The following IL1RAPL1 variants were observed in gnomAD, a reference collection of about 807,000 sequenced individuals.
The protein encoded by IL1RAPL1 is interleukin-1 receptor accessory protein-like 1.
IL1RAPL1 carries 3 observed loss-of-function variants against 48.4 expected under a neutral mutation model. The ratio of observed to expected loss-of-function variants is 0.06; its 90% CI spans 0.03 to 0.16. The LOEUF (loss-of-function observed/expected upper bound fraction) is 0.16, where lower values mean the gene tolerates loss of function less well. Among genes scored for constraint, IL1RAPL1 ranks in the 10% least tolerant of loss-of-function variants. The pLI is 1.00. For synonymous variants in IL1RAPL1, 185 were observed against 187.7 expected, an observed-to-expected ratio of 0.99 and a Z score of 0.12; for missense variants, 349 against 530.6, an observed-to-expected ratio of 0.66 and a Z score of 3.36.
intron 1 of IL1RAPL1, among the ~76,000 whole-genome samples, chrX:28,688,147 T>C (rs1474134631): frequency 1.9e-5 from 2 of 107,842 alleles, no homozygotes; most frequent in Non-Finnish European, 3.8e-5. Flanking sequence ...AACCACTCTT[T>C]GTTGCAGAAA....
At chrX:29,802,771 A>ATG (rs1186816883) in intron 6 of IL1RAPL1, among the ~76,000 whole-genome samples, 46 of 29,558 alleles carry the variant, frequency 1.6e-3, no homozygotes, top group African/African-American at 8.0e-3. Flanking sequence ...ATATATATAT[A>ATG]TATATATATA....
At chrX:29,428,549 A>G (rs1934376999) in intron 5 of IL1RAPL1, among the ~76,000 whole-genome samples, 1 of 109,868 alleles carries the variant, frequency 9.1e-6, no homozygotes, top group South Asian at 3.9e-4. Flanking sequence ...TTGCTTTGTT[A>G]AAAAAAAACT....
intron 1 of IL1RAPL1, among the ~76,000 whole-genome samples, chrX:28,592,746 C>T (rs1933918001): frequency 9.0e-6 from 1 of 111,669 alleles, no homozygotes; most frequent in African/African-American, 3.2e-5. Context: ...AAAGAATTTT[C>T]ATGTTGTAGA....
At chrX:29,725,461 G>A (rs985003294) in intron 6 of IL1RAPL1, among the ~76,000 whole-genome samples, 1 of 111,433 alleles carries the variant, frequency 9.0e-6, no homozygotes, top group Non-Finnish European at 1.9e-5. Flanking sequence ...TCACTGATAA[G>A]CTTGTCAGCT....
chrX:29,345,166 A>C (rs1933135384), intron 3 of IL1RAPL1, among the ~76,000 whole-genome samples: 1 of 112,312 alleles, frequency 8.9e-6, no homozygotes, highest in Admixed American at 9.4e-5. Context: ...ACACATAAGC[A>C]AGTATTTCTC....
At chrX:29,204,400 A>C (rs1282757527) in intron 2 of IL1RAPL1, among the ~76,000 whole-genome samples, 1 of 111,391 alleles carries the variant, frequency 9.0e-6, no homozygotes, top group African/African-American at 3.3e-5. Flanking sequence ...TGTCTTTTTG[A>C]TGATAGCCAT....
intron 2 of IL1RAPL1, among the ~76,000 whole-genome samples, chrX:29,182,741 C>T (rs1449801246): frequency 9.0e-6 from 1 of 111,291 alleles, no homozygotes; most frequent in African/African-American, 3.3e-5. Context: ...CATTCATATC[C>T]TGATTTTTGG....
chrX:29,801,901 C>T (rs942131808), intron 6 of IL1RAPL1, among the ~76,000 whole-genome samples: 1 of 111,970 alleles, frequency 8.9e-6, no homozygotes, highest in Non-Finnish European at 1.9e-5. Flanking sequence ...TTTAAAATTG[C>T]TGTTTGGAAT....
At chrX:28,640,096 ATT>A (rs1378364618) in intron 1 of IL1RAPL1, among the ~76,000 whole-genome samples, 1 of 111,727 alleles carries the variant, frequency 9.0e-6, no homozygotes, top group Non-Finnish European at 1.9e-5. Context: ...CCATCATAGC[ATT>A]ACTAGTTCCC....
At chrX:28,696,637 A>G (rs1157866805) in intron 1 of IL1RAPL1, among the ~76,000 whole-genome samples, 1 of 111,607 alleles carries the variant, frequency 9.0e-6, no homozygotes, top group East Asian at 2.8e-4. Context: ...TATCACATGT[A>G]GCCCCTGACA....
At chrX:29,259,318 G>C (rs1257877175) in intron 2 of IL1RAPL1, among the ~76,000 whole-genome samples, 1 of 111,668 alleles carries the variant, frequency 9.0e-6, no homozygotes, top group Non-Finnish European at 1.9e-5. Flanking sequence ...AAGTTGGTTT[G>C]AATAGAAAGT....
chrX:29,155,372 T>C (rs751396929), intron 2 of IL1RAPL1, among the ~76,000 whole-genome samples: 4 of 112,004 alleles, frequency 3.6e-5, no homozygotes, highest in East Asian at 2.8e-4. Context: ...TTGAAATACA[T>C]TGAATGAGGC....
intron 6 of IL1RAPL1, among the ~76,000 whole-genome samples, chrX:29,670,452 C>T (rs1382743853): frequency 1.8e-5 from 2 of 111,610 alleles, no homozygotes; most frequent in African/African-American, 3.3e-5. Context: ...TTTTAAGCAA[C>T]TTTTATTTTG....
At chrX:29,203,602 C>T (rs905502775) in intron 2 of IL1RAPL1, among the ~76,000 whole-genome samples, 7 of 107,578 alleles carry the variant, frequency 6.5e-5, no homozygotes, top group Middle Eastern at 4.8e-3. Flanking sequence ...GCCTGTAATA[C>T]CAGCTACTCA....
At chrX:28,777,036 A>C (rs184634890) in intron 1 of IL1RAPL1, among the ~76,000 whole-genome samples, 38 of 112,260 alleles carry the variant, frequency 3.4e-4, no homozygotes, top group East Asian at 1.1e-3. Flanking sequence ...CGTGGCTCAA[A>C]ACAACATAGA....
intron 2 of IL1RAPL1, among the ~76,000 whole-genome samples, chrX:28,991,920 A>G (rs1248311138): frequency 8.9e-6 from 1 of 112,038 alleles, no homozygotes; most frequent in Non-Finnish European, 1.9e-5. Flanking sequence ...AATAAAATAG[A>G]TGCAATCCCT....
intron 6 of IL1RAPL1, among the ~76,000 whole-genome samples, chrX:29,871,152 T>G (rs758325057): frequency 8.9e-6 from 1 of 112,047 alleles, no homozygotes; most frequent in Admixed American, 9.5e-5. Flanking sequence ...TCTCTGGCCC[T>G]TTTTTCCATG....
At chrX:29,210,527 T>C (rs1410673627) in intron 2 of IL1RAPL1, among the ~76,000 whole-genome samples, 8 of 112,438 alleles carry the variant, frequency 7.1e-5, no homozygotes, top group African/African-American at 2.3e-4. Flanking sequence ...ATTCATTTAA[T>C]TTATTCTTTA....
At chrX:29,802,926 C>T (rs770649716) in intron 6 of IL1RAPL1, among the ~76,000 whole-genome samples, 13 of 68,954 alleles carry the variant, frequency 1.9e-4, no homozygotes, top group African/African-American at 5.7e-4. Context: ...TACATATATA[C>T]ATATATGTGT....
Sources: gnomAD v4.1 joint callset for allele counts (sites outside exome capture counted in the v4.1 genomes callset) on GRCh38, gnomAD v4.1.1 for gene constraint, MANE v1.5 for transcripts, NCBI Gene and HGNC (gene_info 2026-07-23, HGNC 2026-07-21) for gene names.